The following ANKRD40 variants were observed in gnomAD, a reference collection of about 807,000 sequenced individuals.
The protein encoded by ANKRD40 is ankyrin repeat domain 40.
Under a neutral mutation model 35.5 loss-of-function variants are expected in ANKRD40, and 24 were observed. The ratio of observed to expected loss-of-function variants is 0.68; its 90% confidence interval spans 0.49 to 0.95. The LOEUF (loss-of-function observed/expected upper bound fraction) is 0.95. ANKRD40 is among the 40% of genes least tolerant of loss of function. The probability of loss-of-function intolerance (pLI) is 0.00; values close to 1 mark genes in which losing one functional copy is unlikely to be tolerated. For synonymous variants in ANKRD40, 147 were observed against 173.5 expected (o/e 0.85, Z 1.20); for missense variants, 361 against 436.0 (o/e 0.83, Z 1.53).
intron 1 of ANKRD40, among the ~76,000 whole-genome samples, chr17:50,706,019 G>C (rs1968332931): frequency 6.6e-6 from 1 of 151,886 alleles, no homozygotes; most frequent in South Asian, 2.1e-4. Context: ...CATATTAATA[G>C]TTATGTGGCC....
Position 50,699,722 on chromosome 17 carries a change from G to T in ANKRD40, c.455C>A (p.Pro152His). The T allele has an allele frequency of 6.2e-7, 1 of 1,613,426 alleles. No individual in the cohort carries two copies. The change falls in exon 3 of 5, where the codon CCT becomes CAT. Residue 152 changes from proline to histidine, a missense_variant. Pro to His is a moderately conservative substitution (Grantham distance 77). Transcript: ENST00000285243. ...TGAGCCATCTGCAGGGGGTGATGCAGGGGGTGTGGAGGGGCCCCCATTCTG... is the reference window on the plus strand; with the variant it reads ...TGAGCCATCTGCAGGGGGTGATGCATGGGGTGTGGAGGGGCCCCCATTCTG... ...QMQNGGPSTP[P>H]ASPPADGSPP...
intron 4 of ANKRD40, 146 bp from the exon 5 acceptor site, chr17:50,696,289 C>T (rs912047346): frequency 1.1e-6 from 1 of 900,174 alleles, no homozygotes; most frequent in East Asian, 2.6e-5. Context: ...AGTGATAGTG[C>T]AACTAAGGCC....
intron 1 of ANKRD40, among the ~76,000 whole-genome samples, chr17:50,706,805 G>A (rs1469030312): frequency 6.8e-6 from 1 of 148,144 alleles, no homozygotes; most frequent in Non-Finnish European, 1.5e-5. Context: ...TTGGGAGGCT[G>A]TGGCAGGAGG....
intron 1 of ANKRD40, among the ~76,000 whole-genome samples, chr17:50,703,240 G>A (rs911987788): frequency 2.0e-5 from 3 of 152,094 alleles, no homozygotes; most frequent in Non-Finnish European, 4.4e-5. Context: ...GGCTAATACA[G>A]GTATAATGCT....
intron 1 of ANKRD40, among the ~76,000 whole-genome samples, chr17:50,705,058 G>C (rs1289239264): frequency 6.8e-6 from 1 of 147,602 alleles, no homozygotes; most frequent in Non-Finnish European, 1.5e-5. Flanking sequence ...AGCTTGAAGT[G>C]AGCCAAGATG....
In ANKRD40 at chr17:50,704,983, G is replaced by A. The variant is rs1252176920; in HGVS notation, c.134+2538C>T. 5.9e-5 allele frequency among the ~76,000 whole-genome samples: 9 copies of A among 151,716 alleles called. No individual in the cohort carries two copies. In the South Asian group the frequency reaches 1.0e-3, roughly 18 times the overall value. ...CAAAAAATTAGCCGGGCGTGGTGGC[G>A]GGCACCTGTAGTCCCAGCTACTCGG... is the stretch of plus-strand genomic sequence containing the variant. On this transcript the variant is annotated intron_variant, in intron 1 of 4. Coordinates refer to ENST00000285243, the MANE Select transcript of ANKRD40 (RefSeq NM_052855.4).
At chr17:50,700,461 G>T (rs6504677) in intron 2 of ANKRD40, 107 bp downstream of exon 2, 7 of 764,542 alleles carry the variant, frequency 9.2e-6, no homozygotes, top group Admixed American at 3.3e-5. Flanking sequence ...AAAAAAAAAA[G>T]AAAGAAATAG....
intron 1 of ANKRD40, among the ~76,000 whole-genome samples, chr17:50,702,014 T>G (rs1260664907): frequency 1.3e-5 from 2 of 152,328 alleles, no homozygotes; most frequent in Non-Finnish European, 1.5e-5. Flanking sequence ...TATTGCTAAT[T>G]TGGGAAAAAT....
At chr17:50,705,811 C>G (rs1016677679) in intron 1 of ANKRD40, among the ~76,000 whole-genome samples, 1 of 151,922 alleles carries the variant, frequency 6.6e-6, no homozygotes, top group African/African-American at 2.4e-5. Flanking sequence ...CAGGCACACA[C>G]CGCTACCCCT....
rs1968295823 is a variant in ANKRD40, at chr17:50,703,675, G to A, written c.135-2959C>T. Among the ~76,000 whole-genome samples, 3 of 152,088 alleles carry A rather than the reference G, an allele frequency of 2.0e-5. No individual in the cohort carries two copies. The South Asian group carries it at 6.2e-4, about 31-fold the overall frequency. ...GAAAGCAAGGAGGCCAGGGGAAAAA[G>A]GTAAGCAGAAGGGCAAATCCCATGA... On this transcript the variant is annotated intron_variant, in intron 1 of 4. Transcript: ENST00000285243.
intron 2 of ANKRD40, chr17:50,700,313 C>T: frequency 2.9e-6 from 1 of 340,690 alleles, no homozygotes; most frequent in Non-Finnish European, 5.3e-6. Context: ...CGTGGTGGCA[C>T]ATGCCTGTAA....
At chr17:50,698,985 CAAA>C (rs5820829) in intron 3 of ANKRD40, among the ~76,000 whole-genome samples, 1 of 69,606 alleles carries the variant, frequency 1.4e-5, no homozygotes, top group Non-Finnish European at 2.6e-5. Flanking sequence ...ACTAAAAATA[CAAA>C]AAAAAAAAAA....
chr17:50,697,156 C>T (rs761957281), intron 3 of ANKRD40, 35 bp from the exon 4 acceptor site: 7 of 1,569,630 alleles, frequency 4.5e-6, no homozygotes, highest in Non-Finnish European at 6.1e-6. Flanking sequence ...ATGAATAGTT[C>T]TGGCACAGCA....
chr17:50,706,596 T>A (rs1210765361), intron 1 of ANKRD40, among the ~76,000 whole-genome samples: 4 of 151,790 alleles, frequency 2.6e-5, no homozygotes, highest in African/African-American at 7.3e-5. Context: ...ACATTCTGTA[T>A]TTGAAATTGT....
chr17:50,701,349 C>T (rs1016174045), intron 1 of ANKRD40, among the ~76,000 whole-genome samples: 2 of 152,154 alleles, frequency 1.3e-5, no homozygotes, highest in African/African-American at 4.8e-5. Context: ...TCCTCATCTG[C>T]GTAAATGTAA....
chr17:50,705,761 A>C (rs2146660709), intron 1 of ANKRD40, among the ~76,000 whole-genome samples: 1 of 151,636 alleles, frequency 6.6e-6, no homozygotes, highest in Non-Finnish European at 1.5e-5. Flanking sequence ...CCCTGGTTCA[A>C]GTGATTCTCC....
In ANKRD40 at chr17:50,707,909, C is replaced by T. The variant is rs940249788; in HGVS notation, c.-255G>A. On this transcript the variant is annotated 5_prime_UTR_variant, in exon 1 of 5. Coordinates refer to ENST00000285243, the MANE Select transcript of ANKRD40 (RefSeq NM_052855.4). This position sits in a 1 kb window ranked among gnomAD's most constrained non-coding sequence, Gnocchi z 4.8. ...TCCCGAAGGCCGGCTCCGGGGGACCCTGTTCAGTGTGACAACGCTGACCCA... is the reference window on the plus strand; with the variant it reads ...TCCCGAAGGCCGGCTCCGGGGGACCTTGTTCAGTGTGACAACGCTGACCCA... 4 of 156,388 alleles carry T rather than the reference C, an allele frequency of 2.6e-5. No homozygotes were observed. The highest frequency in any genetic ancestry group is 9.6e-5 in the African/African-American group (4 of 41,536). The allele number at this position is 156,388 out of a possible 1,614,324, so 9.7% of individuals were successfully genotyped here.
Position 50,695,922 on chromosome 17 carries a change from T to C in ANKRD40, c.*75A>G. On this transcript the variant is annotated 3_prime_UTR_variant, in exon 5 of 5. Transcript: ENST00000285243. ...GGCCCTCCCGGGCATCTGAGGCATT[T>C]AGATCAATGGCTTGTCCTTGGCCCA... The C allele has an allele frequency of 4.5e-6, 7 of 1,563,372 alleles. No homozygotes were observed. The highest frequency in any genetic ancestry group is 5.2e-6 in the Non-Finnish European group (6 of 1,148,784).
intron 1 of ANKRD40, among the ~76,000 whole-genome samples, chr17:50,706,903 C>CAAAAAAAA (rs35024672): frequency 2.2e-3 from 83 of 37,980 alleles, no homozygotes; most frequent in African/African-American, 4.1e-3. Context: ...GACCCTGTCT[C>CAAAAAAAA]AAAAAAAAAA....
Sources: gnomAD v4.1 joint callset for allele counts (sites outside exome capture counted in the v4.1 genomes callset) on GRCh38, gnomAD v4.1.1 for gene constraint, Gnocchi (gnomAD v3.1) non-coding constraint, MANE v1.5 for transcripts, NCBI Gene and HGNC (gene_info 2026-07-23, HGNC 2026-07-21) for gene names.